Variants in CACNA2D3 observed in about 807,000 individuals in gnomAD.
CACNA2D3 encodes the protein calcium voltage-gated channel auxiliary subunit alpha2delta 3.
In CACNA2D3, 60 loss-of-function variants were observed where a neutral mutation model predicts 160.6. The observed-to-expected ratio is 0.37, with a 90% CI of 0.30 to 0.46. The LOEUF is 0.46. CACNA2D3 is among the 20% of genes least tolerant of loss of function. The pLI is 1.00. For missense variants in CACNA2D3, 1,205 were observed against 1,365.0 expected (o/e 0.88, Z 1.85); for synonymous variants, 558 against 492.9 (o/e 1.13, Z -1.75).
At chr3:54,434,005 G>C (rs539980858) in intron 4 of CACNA2D3, among the ~76,000 whole-genome samples, 3 of 152,134 alleles carry the variant, frequency 2.0e-5, no homozygotes, top group Admixed American at 6.5e-5. Flanking sequence ...GGAGCTAATC[G>C]TTCCTTGCCT....
chr3:54,196,922 C>A (rs1701091659), intron 2 of CACNA2D3, among the ~76,000 whole-genome samples: 1 of 152,144 alleles, frequency 6.6e-6, no homozygotes, highest in African/African-American at 2.4e-5. Context: ...TAAATTAGAC[C>A]TTTTGCATTA....
At chr3:54,568,408 A>T (rs1377536061) in intron 6 of CACNA2D3, among the ~76,000 whole-genome samples, 2 of 152,222 alleles carry the variant, frequency 1.3e-5, no homozygotes, top group Non-Finnish European at 2.9e-5. Flanking sequence ...ACATCCACTG[A>T]ACACCTCCCG....
At chr3:54,491,934 A>G (rs1165805745) in intron 4 of CACNA2D3, among the ~76,000 whole-genome samples, 7 of 152,198 alleles carry the variant, frequency 4.6e-5, no homozygotes, top group African/African-American at 1.4e-4. Context: ...GTTGAGATAT[A>G]GACCTGGAAA....
intron 4 of CACNA2D3, among the ~76,000 whole-genome samples, chr3:54,473,148 G>T (rs2786600): frequency 6.6e-6 from 1 of 152,162 alleles, no homozygotes; most frequent in Non-Finnish European, 1.5e-5. Flanking sequence ...CAAGACTACA[G>T]TAACCAAAAC....
At chr3:54,302,887 T>A (rs1156768531) in intron 2 of CACNA2D3, among the ~76,000 whole-genome samples, 1 of 152,004 alleles carries the variant, frequency 6.6e-6, no homozygotes, top group African/African-American at 2.4e-5. Flanking sequence ...TCTTGCCCTC[T>A]GTTATTGAGG....
intron 11 of CACNA2D3, among the ~76,000 whole-genome samples, chr3:54,673,023 C>G (rs1193115459): frequency 1.3e-5 from 2 of 151,928 alleles, no homozygotes. Context: ...GATGGGGTGA[C>G]TGTGTTTTAC....
At position 54,123,092 on chromosome 3, in the gene CACNA2D3, C is replaced by A. The variant is rs150680533; in HGVS notation, c.122+257C>A. 4.1e-3 allele frequency among the ~76,000 whole-genome samples: 631 copies of A among 152,280 alleles called. 1 individual carries two copies. Among genetic ancestry groups the A allele is most frequent in the South Asian group, 0.024 (117 of 4,824 alleles). ...GGCACCAACTTTGGAGCCTGGTTAC[C>A]GAATCCAACTTCCATGGGCCGCTGA... On this transcript the variant is annotated intron_variant, in intron 1 of 37. Transcript: ENST00000474759.
chr3:54,668,673 C>T (rs1260206403), intron 11 of CACNA2D3, among the ~76,000 whole-genome samples: 3 of 152,212 alleles, frequency 2.0e-5, no homozygotes, highest in Non-Finnish European at 2.9e-5. Flanking sequence ...CAGGGATTGC[C>T]GTAGTGGTAG....
At chr3:54,210,508 G>T (rs1210255065) in intron 2 of CACNA2D3, among the ~76,000 whole-genome samples, 1 of 152,034 alleles carries the variant, frequency 6.6e-6, no homozygotes, top group African/African-American at 2.4e-5. Flanking sequence ...TTAAAAATCT[G>T]GGAGTATATG....
At chr3:55,014,338 CTT>C (rs1703279977) in intron 34 of CACNA2D3, among the ~76,000 whole-genome samples, 1 of 152,144 alleles carries the variant, frequency 6.6e-6, no homozygotes, top group African/African-American at 2.4e-5. Flanking sequence ...TCATTTTTCA[CTT>C]CTTGTAAAAG....
chr3:54,908,693 G>A (rs1700496869), intron 27 of CACNA2D3, among the ~76,000 whole-genome samples: 2 of 152,180 alleles, frequency 1.3e-5, no homozygotes, highest in Non-Finnish European at 2.9e-5. Context: ...CTCCAGCCTG[G>A]GTGACAGAGT....
At chr3:54,480,195 A>C (rs1296337782) in intron 4 of CACNA2D3, among the ~76,000 whole-genome samples, 2 of 152,096 alleles carry the variant, frequency 1.3e-5, no homozygotes, top group South Asian at 2.1e-4. Context: ...AAAAAGAAGG[A>C]AAGAAAACTT....
chr3:54,365,352 T>C (rs1190543894), intron 3 of CACNA2D3, among the ~76,000 whole-genome samples: 1 of 152,088 alleles, frequency 6.6e-6, no homozygotes, highest in Non-Finnish European at 1.5e-5. Flanking sequence ...AAACTGAAGG[T>C]AGAAAATGTG....
intron 11 of CACNA2D3, among the ~76,000 whole-genome samples, chr3:54,650,804 A>C (rs754303480): frequency 6.6e-6 from 1 of 152,204 alleles, no homozygotes; most frequent in Non-Finnish European, 1.5e-5. Flanking sequence ...CCTGGCCCTC[A>C]GTGAGAGAAT....
intron 12 of CACNA2D3, among the ~76,000 whole-genome samples, chr3:54,761,860 G>T (rs1702086201): frequency 6.6e-6 from 1 of 152,196 alleles, no homozygotes; most frequent in African/African-American, 2.4e-5. Flanking sequence ...ATTCAAACCA[G>T]CTGGCCTTTG....
rs117044196 is a variant in CACNA2D3, at chr3:54,193,872, A to G, written c.204+70278A>G. On this transcript the variant is annotated intron_variant, in intron 2 of 37. Coordinates refer to ENST00000474759, the MANE Select transcript of CACNA2D3 (RefSeq NM_018398.3). The stretch of plus-strand genomic sequence containing the variant: ...CAAGTCATTGCTTCTCTGTGCCTCA[A>G]TTTTCTCACCTGCAAAATGGGAAGA... Among the ~76,000 whole-genome samples the G allele has an allele frequency of 1.1e-3, 169 of 152,272 alleles. 1 individual carries two copies. In the East Asian group the frequency reaches 0.011, roughly 10 times the overall value.
At chr3:54,684,060 C>A (rs1325810504) in intron 11 of CACNA2D3, among the ~76,000 whole-genome samples, 1 of 150,716 alleles carries the variant, frequency 6.6e-6, no homozygotes, top group Non-Finnish European at 1.5e-5. Flanking sequence ...AACCTCTCTC[C>A]CCCAGGTTCA....
rs1559469437 is a variant in CACNA2D3 at position 55,033,743 on chromosome 3, A to ATGTAT, written c.2987+15427_2987+15428insGTATT. Among the ~76,000 whole-genome samples, 154 of 108,880 alleles carry ATGTAT rather than the reference A, an allele frequency of 1.4e-3. 8 individuals are homozygous for ATGTAT. Among genetic ancestry groups the ATGTAT allele is most frequent in the African/African-American group, 3.5e-3 (108 of 30,532 alleles). 71.4% of individuals were successfully genotyped at this position (108,880 alleles called of 152,430 possible). On this transcript the variant is annotated intron_variant, in intron 35 of 37. Coordinates refer to ENST00000474759, the MANE Select transcript of CACNA2D3 (RefSeq NM_018398.3). Reference sequence around the variant, plus strand: ...ATATATTAAATATATTTTATATAATATATATTATATTAAATATATATTATA... The same window carrying ATGTAT: ...ATATATTAAATATATTTTATATAATATGTATTATATTATATTAAATATATATTATA...
chr3:54,254,360 C>G (rs928462167), intron 2 of CACNA2D3, among the ~76,000 whole-genome samples: 1 of 152,170 alleles, frequency 6.6e-6, no homozygotes, highest in African/African-American at 2.4e-5. Context: ...GGGGGCTGGC[C>G]TAGGGACCAG....
Sources: gnomAD v4.1 joint callset for allele counts (sites outside exome capture counted in the v4.1 genomes callset) on GRCh38, gnomAD v4.1.1 for gene constraint, MANE v1.5 for transcripts, NCBI Gene and HGNC (gene_info 2026-07-23, HGNC 2026-07-21) for gene names.